The following EPHA5 variants were observed in gnomAD, a reference collection of about 807,000 sequenced individuals.
EPHA5 encodes the protein ephrin type-A receptor 5.
In EPHA5, 60 loss-of-function variants were observed where a neutral mutation model predicts 105.0. That is an observed-to-expected ratio of 0.57 (90% CI 0.46 to 0.71). The LOEUF (loss-of-function observed/expected upper bound fraction) is 0.71. EPHA5 is among the 30% of genes least tolerant of loss of function. The pLI is 0.00. For missense variants in EPHA5, 1,218 were observed against 1,274.7 expected (o/e 0.96, Z 0.68); for synonymous variants, 513 against 449.1 (o/e 1.14, Z -1.80).
rs538711755 is a variant in EPHA5, at chr4:65,349,228, A to G, written c.2446-1025T>C. Reference sequence around the variant, plus strand: ...TCTTATTTTGTTTTTGTTTGGTTCAACTGTTTAAGAGGAGGGTGTCTTGTT... The same window carrying G: ...TCTTATTTTGTTTTTGTTTGGTTCAGCTGTTTAAGAGGAGGGTGTCTTGTT... On this transcript the variant is annotated intron_variant, in intron 13 of 16. Coordinates refer to ENST00000613740, the MANE Select transcript of EPHA5 (RefSeq NM_001281766.3). 2.0e-4 allele frequency among the ~76,000 whole-genome samples: 30 copies of G among 152,088 alleles called. 1 individual carries two copies. The highest frequency in any genetic ancestry group is 4.6e-4 in the African/African-American group (19 of 41,482).
chr4:65,634,732 C>A (rs562555814), intron 2 of EPHA5, among the ~76,000 whole-genome samples: 6 of 151,940 alleles, frequency 3.9e-5, no homozygotes, highest in Non-Finnish European at 5.9e-5. Flanking sequence ...TTTTCTATAT[C>A]CACTAATGTG....
intron 15 of EPHA5, among the ~76,000 whole-genome samples, chr4:65,332,494 CTG>C (rs976031557): frequency 2.0e-5 from 3 of 151,398 alleles, no homozygotes; most frequent in African/African-American, 7.3e-5. Flanking sequence ...TTGTCCAAAT[CTG>C]TAAAATGTAC....
chr4:65,578,162 G>A (rs1741252111), intron 3 of EPHA5, among the ~76,000 whole-genome samples: 1 of 151,876 alleles, frequency 6.6e-6, no homozygotes, highest in African/African-American at 2.4e-5. Flanking sequence ...TCAAGTCCTG[G>A]CAGATTATTT....
chr4:65,490,760 A>G (rs1189396557), intron 4 of EPHA5, 48 bp from the exon 5 acceptor site: 1 of 1,548,438 alleles, frequency 6.5e-7, no homozygotes, highest in Non-Finnish European at 8.8e-7. Flanking sequence ...GATGGTATTA[A>G]TTAGGCATTA....
intron 5 of EPHA5, among the ~76,000 whole-genome samples, chr4:65,460,811 T>G (rs989142588): frequency 6.6e-6 from 1 of 151,812 alleles, no homozygotes; most frequent in Non-Finnish European, 1.5e-5. Flanking sequence ...TGCTTCAATG[T>G]ACGTGTGTGT....
At chr4:65,574,190 G>C (rs572081861) in intron 3 of EPHA5, 5 of 1,604,728 alleles carry the variant, frequency 3.1e-6, no homozygotes, top group Non-Finnish European at 4.3e-6. Flanking sequence ...ATGAGATTAC[G>C]GAGCAGCGCA....
At chr4:65,420,977 T>C (rs1190664667) in intron 5 of EPHA5, among the ~76,000 whole-genome samples, 1 of 152,066 alleles carries the variant, frequency 6.6e-6, no homozygotes, top group Non-Finnish European at 1.5e-5. Flanking sequence ...CTCTCTTTTA[T>C]AATTTATTAC....
intron 5 of EPHA5, among the ~76,000 whole-genome samples, chr4:65,437,532 A>T (rs1725591951): frequency 6.6e-6 from 1 of 151,946 alleles, no homozygotes; most frequent in South Asian, 2.1e-4. Flanking sequence ...TAGAATGATC[A>T]AGAAATAATA....
chr4:65,588,614 C>G (rs994032818), intron 3 of EPHA5, among the ~76,000 whole-genome samples: 1 of 152,184 alleles, frequency 6.6e-6, no homozygotes, highest in Non-Finnish European at 1.5e-5. Context: ...CTTATACCCT[C>G]AGTTTCTGAT....
At chr4:65,625,417 G>A (rs1259333383) in intron 2 of EPHA5, among the ~76,000 whole-genome samples, 2 of 152,050 alleles carry the variant, frequency 1.3e-5, no homozygotes, top group African/African-American at 4.8e-5. Flanking sequence ...CTTTTCACAG[G>A]CAGATACAAT....
Position 65,366,057 on chromosome 4 carries a change from A to G in EPHA5, c.1862T>C (p.Ile621Thr). ...EEKMHFHNGH[I>T]KLPGVRTYID... ...GTAAGTTCTTACTCCTGGCAGTTTA[A>G]CTGTAAATATAAATTGGCATTAAAA... The change falls in exon 10 of 17, where the codon ATT becomes ACT. Residue 621 changes from isoleucine to threonine, a missense_variant and splice_region_variant. By Grantham distance (89) the Ile-to-Thr change is moderately conservative. Coordinates refer to ENST00000613740, the MANE Select transcript of EPHA5 (RefSeq NM_001281766.3). 1.3e-6 allele frequency: 2 copies of G among 1,595,170 alleles called. No individual in the cohort carries two copies. The highest frequency in any genetic ancestry group is 1.7e-6 in the Non-Finnish European group (2 of 1,166,312).
intron 3 of EPHA5, among the ~76,000 whole-genome samples, chr4:65,572,649 G>T (rs1740311577): frequency 6.6e-6 from 1 of 152,036 alleles, no homozygotes; most frequent in South Asian, 2.1e-4. Context: ...TTATATGTAC[G>T]GAATATGACA....
Position 65,321,243 on chromosome 4 carries a change from T to A in EPHA5, c.*2871A>T, listed in dbSNP as rs1577796529. On this transcript the variant is annotated 3_prime_UTR_variant, in exon 17 of 17. Coordinates refer to ENST00000613740, the MANE Select transcript of EPHA5 (RefSeq NM_001281766.3). ...TATTATTTGCCAAATCTGTTGTATATACTAAAATTGTCATGTCTGTGCTTT... is the reference window on the plus strand; with the variant it reads ...TATTATTTGCCAAATCTGTTGTATAAACTAAAATTGTCATGTCTGTGCTTT... 4.3e-6 allele frequency: 1 copy of A among 230,490 alleles called. No individual in the cohort carries two copies. Among genetic ancestry groups the A allele is most frequent in the African/African-American group, 2.2e-5 (1 of 45,150 alleles). 14.3% of individuals were successfully genotyped at this position (230,490 alleles called of 1,614,324 possible).
At chr4:65,639,761 T>C (rs1747473539) in intron 2 of EPHA5, among the ~76,000 whole-genome samples, 1 of 152,192 alleles carries the variant, frequency 6.6e-6, no homozygotes, top group Admixed American at 6.5e-5. Context: ...TTTATTTCTG[T>C]TCATTAATTT....
chr4:65,664,246 A>C (rs1323638195), intron 1 of EPHA5, among the ~76,000 whole-genome samples: 3 of 151,948 alleles, frequency 2.0e-5, no homozygotes, highest in African/African-American at 7.2e-5. Flanking sequence ...AATTATTTAG[A>C]CTAGATTTTC....
intron 2 of EPHA5, among the ~76,000 whole-genome samples, chr4:65,618,484 A>G (rs1745436855): frequency 6.6e-6 from 1 of 152,176 alleles, no homozygotes; most frequent in Non-Finnish European, 1.5e-5. Context: ...TGTCTCTTTA[A>G]TTAATTAGTT....
At chr4:65,610,987 C>A (rs1385196626) in intron 2 of EPHA5, among the ~76,000 whole-genome samples, 2 of 152,044 alleles carry the variant, frequency 1.3e-5, no homozygotes, top group African/African-American at 4.8e-5. Context: ...CAGAAATAAG[C>A]TTTTGTGTAC....
chr4:65,648,334 A>C (rs1035517009), intron 1 of EPHA5, among the ~76,000 whole-genome samples: 1 of 152,208 alleles, frequency 6.6e-6, no homozygotes, highest in African/African-American at 2.4e-5. Context: ...TTAAGTCACT[A>C]TGAGCAGGAA....
At chr4:65,557,232 G>GGA (rs1738538791) in intron 3 of EPHA5, among the ~76,000 whole-genome samples, 1 of 14,424 alleles carries the variant, frequency 6.9e-5, no homozygotes, top group African/African-American at 1.8e-4. Flanking sequence ...ATTTATACTG[G>GGA]GATATATATA....
Sources: gnomAD v4.1 joint callset for allele counts (sites outside exome capture counted in the v4.1 genomes callset) on GRCh38, gnomAD v4.1.1 for gene constraint, MANE v1.5 for transcripts, NCBI Gene and HGNC (gene_info 2026-07-23, HGNC 2026-07-21) for gene names.